The following CLIC5 variants were observed in gnomAD, a reference collection of about 807,000 sequenced individuals.
CLIC5 encodes the protein CLIC family member 5, also known as chloride intracellular channel protein 5.
Under a neutral mutation model 24.7 loss-of-function variants are expected in CLIC5, and 20 were observed. That is an observed-to-expected ratio of 0.81 (90% CI 0.57 to 1.18). The LOEUF is 1.18. Ranked by LOEUF, CLIC5 falls within the 50% of genes most tolerant of loss-of-function variation. The probability of loss-of-function intolerance (pLI) is 0.00; values close to 1 mark genes in which losing one functional copy is unlikely to be tolerated. For synonymous variants in CLIC5, 159 were observed against 135.6 expected (o/e 1.17, Z -1.20); for missense variants, 341 against 326.1 (o/e 1.05, Z -0.35).
chr6:46,003,665 CCATGGGG>C (rs965366818), intron 1 of CLIC5, among the ~76,000 whole-genome samples: 1 of 152,162 alleles, frequency 6.6e-6, no homozygotes, highest in Admixed American at 6.5e-5. Context: ...TTGGATACTC[CCATGGGG>C]CCTGGTTAGG....
At chr6:45,945,455 G>A (rs1764259746) in intron 3 of CLIC5, among the ~76,000 whole-genome samples, 1 of 151,530 alleles carries the variant, frequency 6.6e-6, no homozygotes, top group South Asian at 2.1e-4. Context: ...CATTTTTTTT[G>A]CAGGCCTGGC....
Position 45,914,327 on chromosome 6 carries a change from G to A in CLIC5, c.489C>T (p.Asn163=), listed in dbSNP as rs747508823. The part of the protein sequence containing the change: ...NTPLPEEIDA[N]TCGEDKGSRR... ...GGGACCCCTTGTCTTCCCCACAAGT[G>A]TTGGCGTCAATCTCCTCTGGTAGAG... The change falls in exon 5 of 6, where the codon AAC becomes AAT. Residue 163 remains asparagine (N), a synonymous_variant. Transcript: ENST00000339561. The A allele has an allele frequency of 3.7e-6, 6 of 1,610,030 alleles. No homozygotes were observed. The highest frequency in any genetic ancestry group is 2.2e-5 in the East Asian group (1 of 44,820).
chr6:46,082,299 T>C (rs1478690662), upstream of CLIC5, among the ~76,000 whole-genome samples: 2 of 152,200 alleles, frequency 1.3e-5, no homozygotes, highest in East Asian at 3.9e-4. Context: ...AAACAGATAT[T>C]TCAAATTAGG....
intron 1 of CLIC5, among the ~76,000 whole-genome samples, chr6:46,024,548 G>A (rs978104693): frequency 2.0e-5 from 3 of 152,270 alleles, no homozygotes; most frequent in South Asian, 2.1e-4. Context: ...GAAAACAAGA[G>A]CCAAGATACA....
intron 6 of CLIC5, chr6:45,881,218 T>G (rs1009391334): frequency 5.0e-6 from 2 of 398,158 alleles, no homozygotes; most frequent in African/African-American, 4.1e-5. Flanking sequence ...AGGATTTGAG[T>G]TGGAGCCAAT....
chr6:46,098,515 G>C, the CLIC5 span, among the ~76,000 whole-genome samples: 2 of 152,114 alleles, frequency 1.3e-5, no homozygotes, highest in Non-Finnish European at 2.9e-5. Flanking sequence ...TATGTTTTTA[G>C]AAAAAGCTTC....
chr6:46,003,503 T>A (rs1053948068), intron 1 of CLIC5, among the ~76,000 whole-genome samples: 6 of 152,200 alleles, frequency 3.9e-5, no homozygotes, highest in Non-Finnish European at 5.9e-5. Context: ...GAGCAGATCC[T>A]AAGTCTAAAG....
chr6:46,009,560 A>T (rs76441802), intron 1 of CLIC5, among the ~76,000 whole-genome samples: 3,467 of 152,274 alleles, frequency 0.023, 52 homozygotes, highest in Non-Finnish European at 0.036. Flanking sequence ...CAACAGATAC[A>T]ACTCAGGATG....
chr6:45,889,897 A>G (rs1330529670), intron 6 of CLIC5, among the ~76,000 whole-genome samples: 1 of 152,220 alleles, frequency 6.6e-6, no homozygotes, highest in Non-Finnish European at 1.5e-5. Context: ...AATATCTATT[A>G]AAAGTAGACC....
chr6:45,917,919 A>G (rs889368641), intron 4 of CLIC5, among the ~76,000 whole-genome samples: 1 of 152,234 alleles, frequency 6.6e-6, no homozygotes, highest in Non-Finnish European at 1.5e-5. Flanking sequence ...CTCACTCCAC[A>G]TAATTACTCT....
intron 1 of CLIC5, among the ~76,000 whole-genome samples, chr6:45,963,072 A>C (rs530860970): frequency 4.1e-4 from 62 of 152,152 alleles, no homozygotes; most frequent in African/African-American, 1.5e-3. Context: ...ATGTCCCGCT[A>C]TTTGAATAAA....
intron 1 of CLIC5, among the ~76,000 whole-genome samples, chr6:45,972,139 G>A (rs901588473): frequency 1.3e-5 from 2 of 152,194 alleles, no homozygotes; most frequent in Non-Finnish European, 2.9e-5. Context: ...GGGTATCAAG[G>A]ACTTTTACTG....
intron 1 of CLIC5, among the ~76,000 whole-genome samples, chr6:46,060,454 G>A (rs997610539): frequency 1.3e-5 from 2 of 152,152 alleles, no homozygotes; most frequent in Admixed American, 1.3e-4. Flanking sequence ...GCTAATAGTT[G>A]TATGGTGCTT....
intron 4 of CLIC5, chr6:45,920,500 G>C (rs913578237): frequency 3.3e-6 from 1 of 298,584 alleles, no homozygotes; most frequent in Non-Finnish European, 4.9e-6. Flanking sequence ...GTTTGAGAAA[G>C]ACCATGGCAG....
chr6:45,939,313 A>C (rs746788752), intron 4 of CLIC5, among the ~76,000 whole-genome samples: 9 of 146,712 alleles, frequency 6.1e-5, no homozygotes, highest in Non-Finnish European at 1.2e-4. Context: ...TCCTGGGTTC[A>C]AGTCATTCTC....
chr6:45,994,480 G>A (rs1355149042), intron 1 of CLIC5, among the ~76,000 whole-genome samples: 1 of 152,072 alleles, frequency 6.6e-6, no homozygotes, highest in African/African-American at 2.4e-5. Context: ...ACGCACACCA[G>A]GGCATGTTGC....
the CLIC5 span, among the ~76,000 whole-genome samples, chr6:46,096,679 G>A: frequency 6.6e-6 from 1 of 152,132 alleles, no homozygotes; most frequent in Non-Finnish European, 1.5e-5. Context: ...AGCTGCTTCT[G>A]GTCCTGCCTT....
Position 45,941,601 on chromosome 6 carries a change from T to C in CLIC5, c.352A>G (p.Ile118Val), listed in dbSNP as rs751875333. ...HRESNTAGID[I>V]FSKFSAYIKN... ...ATGTAGGCAGAAAACTTGGAAAAGA[T>C]GTCGATGCCCGCTGTGTTGGATTCC... is the stretch of plus-strand genomic sequence containing the variant. Residue 118 changes from isoleucine to valine, a missense_variant, in exon 4 of 6, where the codon ATC becomes GTC. Physicochemically the swap from Ile to Val is conservative, Grantham distance 29 (BLOSUM62 3). Coordinates refer to ENST00000339561, the MANE Select transcript of CLIC5 (RefSeq NM_016929.5). 16 of 1,613,852 alleles carry C rather than the reference T, an allele frequency of 9.9e-6. No individual in the cohort carries two copies. The Admixed American group carries it at 2.7e-4, about 27-fold the overall frequency.
chr6:46,071,327 A>G (rs1762589568), intron 1 of CLIC5, among the ~76,000 whole-genome samples: 1 of 152,198 alleles, frequency 6.6e-6, no homozygotes, highest in South Asian at 2.1e-4. Flanking sequence ...TATGTATCTG[A>G]CAAAGATGTA....
Sources: allele counts gnomAD v4.1 joint callset (sites outside exome capture counted in the v4.1 genomes callset), GRCh38; gene constraint gnomAD v4.1.1; transcripts MANE v1.5; gene names NCBI Gene and HGNC (gene_info 2026-07-23, HGNC 2026-07-21).